The following SLC66A1 variants were observed in gnomAD, a reference collection of about 807,000 sequenced individuals.
SLC66A1 encodes lysosomal amino acid transporter 1 homolog.
A neutral mutation model predicts 33.0 loss-of-function variants in SLC66A1; 23 were observed. That is an observed-to-expected ratio of 0.70 (90% CI 0.50 to 0.99). SLC66A1 has a LOEUF of 0.99. Ranked by LOEUF, SLC66A1 falls within the 50% of genes least tolerant of loss-of-function variation. The pLI, the probability that SLC66A1 is intolerant of heterozygous loss-of-function variation, is 0.00. For synonymous variants in SLC66A1, 164 were observed against 175.5 expected (o/e 0.93, Z 0.52); for missense variants, 335 against 383.6 (o/e 0.87, Z 1.06).
At chr1:19,321,567 A>ATTTTTTTTTTTTTTTTTTT (rs35415316) in intron 2 of SLC66A1, among the ~76,000 whole-genome samples, 1 of 132,450 alleles carries the variant, frequency 7.6e-6, no homozygotes. Context: ...GTCCAACCTC[A>ATTTTTTTTTTTTTTTTTTT]TTTTTTTTTT....
chr1:19,333,376 G>A (rs1232104331), downstream of SLC66A1, among the ~76,000 whole-genome samples: 1 of 152,002 alleles, frequency 6.6e-6, no homozygotes, highest in Admixed American at 6.6e-5. This position sits in a 1 kb window ranked among gnomAD's most constrained non-coding sequence, Gnocchi z 4.2. Context: ...ATGGGGTTTC[G>A]CCATGTTGCC....
At chr1:19,334,176 T>G (rs962685880), downstream of SLC66A1, among the ~76,000 whole-genome samples, 9 of 152,196 alleles carry the variant, frequency 5.9e-5, no homozygotes, top group African/African-American at 2.2e-4. Flanking sequence ...GTCTCTCCTG[T>G]TGGCCATCAT....
At position 19,327,264 on chromosome 1, in the gene SLC66A1, T is replaced by C. The variant is rs1490024113; in HGVS notation, c.656T>C (p.Leu219Pro). 1.2e-6 allele frequency: 2 copies of C among 1,613,818 alleles called. No individual in the cohort carries two copies. The highest frequency in any genetic ancestry group is 1.7e-5 in the Admixed American group (1 of 59,992). Residue 219 changes from leucine to proline, a missense_variant, in exon 7 of 8, where the codon CTG (leucine) becomes CCG (proline). Physicochemically the swap from Leu to Pro is moderately conservative, Grantham distance 98. Transcript: ENST00000375153. ...RKSTQGISYS[L>P]FALVMLGNTL... The stretch of plus-strand genomic sequence containing the variant: ...TCCACCCAGGGGATCTCCTACTCTC[T>C]GTTCGCGCTGGTGATGCTGGGGAAC...
chr1:19,316,810 G>C (rs1161949064), intron 1 of SLC66A1, among the ~76,000 whole-genome samples: 1 of 151,828 alleles, frequency 6.6e-6, no homozygotes, highest in African/African-American at 2.4e-5. Flanking sequence ...TGGACCAGAG[G>C]TGCACACCAC....
downstream of SLC66A1, among the ~76,000 whole-genome samples, chr1:19,332,855 C>T (rs12118471): frequency 0.19 from 28,880 of 152,102 alleles, 3,088 homozygotes; most frequent in Non-Finnish European, 0.22. Flanking sequence ...AATGGAACCA[C>T]GCTTACCAGT....
chr1:19,313,652 AAGAGATGGCACGTGC>A (rs2093789491), intron 1 of SLC66A1, among the ~76,000 whole-genome samples: 1 of 152,192 alleles, frequency 6.6e-6, no homozygotes, highest in African/African-American at 2.4e-5. Flanking sequence ...CTTCTAGGGG[AAGAGATGGCACGTGC>A]AGAAGCCTGG....
intron 1 of SLC66A1, among the ~76,000 whole-genome samples, chr1:19,314,575 A>G (rs1177806350): frequency 1.3e-5 from 2 of 152,228 alleles, no homozygotes; most frequent in East Asian, 3.9e-4. Flanking sequence ...GTTGTCAGGC[A>G]CAGGGCTGAG....
chr1:19,328,450 C>A lies in SLC66A1; in HGVS notation c.805-122C>A. 1 of 901,316 alleles carries A rather than the reference C, an allele frequency of 1.1e-6. No homozygotes were observed. Among genetic ancestry groups the A allele is most frequent in the Non-Finnish European group, 1.8e-6 (1 of 571,056 alleles). 55.8% of individuals were successfully genotyped at this position (901,316 alleles called of 1,614,324 possible). On this transcript the variant is annotated intron_variant, in intron 7 of 7. Transcript: ENST00000375153. This position sits in a 1 kb window ranked among gnomAD's most constrained non-coding sequence, Gnocchi z 4.7. ...GGCTGGGAGGTTATGGCTGGCCCTT[C>A]CCACCTGCAGCGTGGGGGTGGGAGG...
intron 1 of SLC66A1, among the ~76,000 whole-genome samples, chr1:19,317,246 G>A (rs2093810982): frequency 6.6e-6 from 1 of 152,204 alleles, no homozygotes; most frequent in South Asian, 2.1e-4. Context: ...ACAGCTGTAT[G>A]TGGGAGGCAG....
intron 2 of SLC66A1, among the ~76,000 whole-genome samples, chr1:19,318,893 G>A (rs902558588): frequency 3.3e-5 from 5 of 152,216 alleles, no homozygotes; most frequent in African/African-American, 1.2e-4. Context: ...TGAGAGCCAG[G>A]GGCTGAGTGT....
chr1:19,324,534 C>T lies in SLC66A1; in HGVS notation c.165-99C>T, dbSNP rs112178559. 3.0e-3 allele frequency: 4,412 copies of T among 1,458,684 alleles called. 109 individuals carry two copies. The African/African-American group carries it at 0.052, about 17-fold the overall frequency. The allele number at this position is 1,458,684 out of a possible 1,614,324, so 90.4% of individuals were successfully genotyped here. A position where few individuals can be genotyped will look rare whatever the true frequency, so the allele number is the denominator to read the frequency against. On this transcript the variant is annotated intron_variant, in intron 2 of 7. Transcript: ENST00000375153. ...GGCCACTTCCTCTCCATCGCCGCCT[C>T]GATCCCCATGGTCGTCTCCTCTGGG...
chr1:19,332,464 G>T (rs1281703484), downstream of SLC66A1, among the ~76,000 whole-genome samples: 1 of 152,146 alleles, frequency 6.6e-6, no homozygotes, highest in Non-Finnish European at 1.5e-5. Flanking sequence ...CCTCCCCCAG[G>T]TTCCTCACAA....
chr1:19,328,430 G>A lies in SLC66A1; in HGVS notation c.805-142G>A. 1 of 751,974 alleles carries A rather than the reference G, an allele frequency of 1.3e-6. No homozygotes were observed. The highest frequency in any genetic ancestry group is 2.0e-5 in the Admixed American group (1 of 49,376). The allele number at this position is 751,974 out of a possible 1,614,324, so 46.6% of individuals were successfully genotyped here. The stretch of plus-strand genomic sequence containing the variant: ...GAGGGCACAGCTAAGGTAGCGGCTG[G>A]GAGGTTATGGCTGGCCCTTCCCACC... On this transcript the variant is annotated intron_variant, in intron 7 of 7. Transcript: ENST00000375153. This position sits in a 1 kb window ranked among gnomAD's most constrained non-coding sequence, Gnocchi z 4.7.
At chr1:19,332,096 C>T (rs572897307), downstream of SLC66A1, among the ~76,000 whole-genome samples, 13 of 152,314 alleles carry the variant, frequency 8.5e-5, no homozygotes, top group Admixed American at 5.9e-4. Flanking sequence ...CTCATTCCAG[C>T]GCCCCAAGGA....
At position 19,317,710 on chromosome 1, in the gene SLC66A1, C is replaced by T. The variant is rs2093813140; in HGVS notation, c.33C>T (p.Phe11=). Reference sequence around the variant, plus strand: ...GGAAGAAACTGGGCTCCCGCAACTTCTCCAGCTGCCCCAGTGGCTCCATCC... The same window carrying T: ...GGAAGAAACTGGGCTCCCGCAACTTTTCCAGCTGCCCCAGTGGCTCCATCC... MVWKKLGSRN[F]SSCPSGSIQW... is the part of the protein sequence containing the mutation. Residue 11 remains phenylalanine (F), a synonymous_variant, in exon 2 of 8, where the codon TTC becomes TTT. Transcript: ENST00000375153. 2 of 1,614,072 alleles carry T rather than the reference C, an allele frequency of 1.2e-6. No individual in the cohort carries two copies. Among genetic ancestry groups the T allele is most frequent in the African/African-American group, 2.7e-5 (2 of 74,948 alleles).
chr1:19,327,199 T>C (rs372995583), intron 6 of SLC66A1, 28 bp from the exon 7 acceptor site: 54 of 1,587,220 alleles, frequency 3.4e-5, no homozygotes, highest in Non-Finnish European at 1.7e-6. Context: ...CTGTTCGAGG[T>C]CTCTGACCTG....
chr1:19,322,567 A>G (rs12096188), intron 2 of SLC66A1, among the ~76,000 whole-genome samples: 2,920 of 152,254 alleles, frequency 0.019, 108 homozygotes, highest in African/African-American at 0.067. Context: ...ACTTGAGGGA[A>G]TCTGGGAGGG....
At chr1:19,330,253 G>C (rs1190432484), downstream of SLC66A1, among the ~76,000 whole-genome samples, 1 of 152,158 alleles carries the variant, frequency 6.6e-6, no homozygotes, top group African/African-American at 2.4e-5. Flanking sequence ...CCTAGCTGTG[G>C]AAAACCAGAA....
downstream of SLC66A1, among the ~76,000 whole-genome samples, chr1:19,332,370 C>A (rs1033992739): frequency 6.6e-6 from 1 of 152,166 alleles, no homozygotes; most frequent in African/African-American, 2.4e-5. Flanking sequence ...GGCTCGTGTC[C>A]CAGCACCTGG....
Sources: allele counts gnomAD v4.1 joint callset (sites outside exome capture counted in the v4.1 genomes callset), GRCh38; gene constraint gnomAD v4.1.1; non-coding constraint Gnocchi (gnomAD v3.1); transcripts MANE v1.5; gene names NCBI Gene and HGNC (gene_info 2026-07-23, HGNC 2026-07-21).